Variants in EIF2AK4 observed in about 807,000 individuals in gnomAD.
EIF2AK4 encodes the protein eukaryotic translation initiation factor 2 alpha kinase 4, also known as eIF-2-alpha kinase GCN2.
A neutral mutation model predicts 211.1 loss-of-function variants in EIF2AK4; 139 were observed. The observed-to-expected ratio is 0.66, with a 90% CI of 0.57 to 0.76. The LOEUF (loss-of-function observed/expected upper bound fraction) is 0.76, where lower values mean the gene tolerates loss of function less well. Ranked by LOEUF, EIF2AK4 falls within the 30% of genes least tolerant of loss-of-function variation. EIF2AK4 has a pLI of 0.00. For synonymous variants in EIF2AK4, 710 were observed against 751.3 expected (o/e 0.94, Z 0.90); for missense variants, 1,664 against 2,043.8 (o/e 0.81, Z 3.58).
chr15:39,965,819 G>C lies in EIF2AK4; in HGVS notation c.993G>C (p.Glu331Asp). 1 of 1,614,084 alleles carries C rather than the reference G, an allele frequency of 6.2e-7. No individual in the cohort carries two copies. Among genetic ancestry groups the C allele is most frequent in the South Asian group, 1.1e-5 (1 of 91,078 alleles). ...CATTCCTTACCAGTCAAGAAAAAGA[G>C]AAGATTGATAAGTGCAAAAAGCAGG... is the stretch of plus-strand genomic sequence containing the variant. ...MGPFLTSQEK[E>D]KIDKCKKQIQ... Residue 331 changes from glutamate (E) to aspartate (D), a missense_variant, in exon 8 of 39, where the codon GAG (glutamate) becomes GAC (aspartate). Transcript: ENST00000263791.
chr15:40,020,281 G>A (rs1053742762), intron 30 of EIF2AK4, among the ~76,000 whole-genome samples: 2 of 151,024 alleles, frequency 1.3e-5, no homozygotes, highest in African/African-American at 4.9e-5. Flanking sequence ...AGAGAAAAAT[G>A]GTATTTTCCA....
intron 5 of EIF2AK4, among the ~76,000 whole-genome samples, chr15:39,955,158 T>C (rs907259562): frequency 6.6e-6 from 1 of 152,188 alleles, no homozygotes; most frequent in Non-Finnish European, 1.5e-5. Flanking sequence ...CTTCTGTTCA[T>C]CTCCTGTTAC....
Position 39,954,013 on chromosome 15 carries a change from T to C in EIF2AK4, c.594+29T>C, listed in dbSNP as rs1217354563. ...CCCTATCAACTCCACCATAATAATT[T>C]ACATTTTGCAAAACAAAGTGTTTTT... On this transcript the variant is annotated intron_variant, in intron 5 of 38. Coordinates refer to ENST00000263791, the MANE Select transcript of EIF2AK4 (RefSeq NM_001013703.4). 3.3e-6 allele frequency: 5 copies of C among 1,530,426 alleles called. No homozygotes were observed. In the African/African-American group the frequency reaches 5.5e-5, roughly 17 times the overall value. 94.8% of individuals were successfully genotyped at this position (1,530,426 alleles called of 1,614,324 possible).
chr15:39,948,487 A>G (rs2034260454), intron 3 of EIF2AK4, among the ~76,000 whole-genome samples: 1 of 152,248 alleles, frequency 6.6e-6, no homozygotes, highest in Non-Finnish European at 1.5e-5. Context: ...CTGTGTTCAC[A>G]TAAAGAATGT....
Position 40,008,137 on chromosome 15 carries a change from C to T in EIF2AK4, c.3518C>T (p.Pro1173Leu). Residue 1173 changes from proline (P) to leucine (L), a missense_variant, in exon 25 of 39, where the codon CCC becomes CTC. By Grantham distance (98) the Pro-to-Leu change is moderately conservative (BLOSUM62 -3). Coordinates refer to ENST00000263791, the MANE Select transcript of EIF2AK4 (RefSeq NM_001013703.4). ...ACTTCTACCACCAACAGCTTTCTGC[C>T]CACTGCTGAAATTATCTACACTATC... ...IVTSTTNSFL[P>L]TAEIIYTIYE... is the part of the protein sequence containing the mutation. The T allele has an allele frequency of 6.2e-7, 1 of 1,612,770 alleles. No homozygotes were observed. Among genetic ancestry groups the T allele is most frequent in the Non-Finnish European group, 8.5e-7 (1 of 1,179,468 alleles).
rs1160132030 is a variant in EIF2AK4 at position 39,983,662 on chromosome 15, A to G, written c.2320-2143A>G. On this transcript the variant is annotated intron_variant, in intron 13 of 38. Coordinates refer to ENST00000263791, the MANE Select transcript of EIF2AK4 (RefSeq NM_001013703.4). ...TCTCCTTGTTGGTCAGGCTCGTCTC[A>G]TACGCCCGACCTCAGGTGAACCGAC... Among the ~76,000 whole-genome samples, 8 of 152,286 alleles carry G rather than the reference A, an allele frequency of 5.3e-5. No individual in the cohort carries two copies. In the East Asian group the frequency reaches 1.4e-3, roughly 26 times the overall value.
intron 16 of EIF2AK4, among the ~76,000 whole-genome samples, chr15:39,990,952 TCTGA>T (rs1283774979): frequency 6.6e-6 from 1 of 152,186 alleles, no homozygotes; most frequent in Non-Finnish European, 1.5e-5. Flanking sequence ...CAGCATACTG[TCTGA>T]CTGGTCGAAA....
rs541454551 is a variant in EIF2AK4, at chr15:40,034,216, C to T, written c.4774-110C>T. 35 of 797,950 alleles carry T rather than the reference C, an allele frequency of 4.4e-5. No homozygotes were observed. In the African/African-American group the frequency reaches 6.0e-4, roughly 14 times the overall value. 49.4% of individuals were successfully genotyped at this position (797,950 alleles called of 1,614,324 possible). ...TGCTATCTCCCTATTACTGATTCTC[C>T]TGGTATACTTGAAGAGGGAAATGAC... On this transcript the variant is annotated intron_variant, in intron 37 of 38. Coordinates refer to ENST00000263791, the MANE Select transcript of EIF2AK4 (RefSeq NM_001013703.4).
chr15:40,021,203 C>A (rs150009896), intron 31 of EIF2AK4, among the ~76,000 whole-genome samples, 176 bp downstream of exon 31: 73 of 152,330 alleles, frequency 4.8e-4, no homozygotes, highest in African/African-American at 1.5e-3. Flanking sequence ...GGCTTAAACA[C>A]ATATTTATTA....
chr15:40,028,213 T>C (rs564100899), intron 33 of EIF2AK4, among the ~76,000 whole-genome samples: 1 of 152,128 alleles, frequency 6.6e-6, no homozygotes, highest in African/African-American at 2.4e-5. Context: ...GCTGGGACCG[T>C]AGTCATGTAC....
chr15:39,965,403 C>T (rs1168032453), intron 7 of EIF2AK4, among the ~76,000 whole-genome samples: 2 of 152,122 alleles, frequency 1.3e-5, no homozygotes, highest in East Asian at 1.9e-4. Context: ...GGATTACAGG[C>T]GTGAGCCACC....
Position 40,029,218 on chromosome 15 carries a change from T to G in EIF2AK4, c.4503-188T>G, listed in dbSNP as rs571277950. On this transcript the variant is annotated intron_variant, in intron 33 of 38. Coordinates refer to ENST00000263791, the MANE Select transcript of EIF2AK4 (RefSeq NM_001013703.4). ...AACTTAAAAAGACATCCTTTATAAT[T>G]TTTACTTGCTCTTGACCAAAGCATA... 11 of 721,262 alleles carry G rather than the reference T, an allele frequency of 1.5e-5. No homozygotes were observed. The African/African-American group carries it at 1.9e-4, about 13-fold the overall frequency. The allele number at this position is 721,262 out of a possible 1,614,324, so 44.7% of individuals were successfully genotyped here.
intron 13 of EIF2AK4, among the ~76,000 whole-genome samples, chr15:39,979,579 C>T (rs1377054631): frequency 2.6e-5 from 4 of 152,164 alleles, no homozygotes; most frequent in Non-Finnish European, 5.9e-5. Context: ...AATGCTTCTA[C>T]ATGTAAAATG....
chr15:39,965,667 C>G lies in EIF2AK4; in HGVS notation c.860-19C>G, dbSNP rs547448076. ...AACATACCAGTGGGATTTAATTACA[C>G]TTTCTGTTTAATGTGCAGGCAGTGA... On this transcript the variant is annotated intron_variant, in intron 7 of 38. Coordinates refer to ENST00000263791, the MANE Select transcript of EIF2AK4 (RefSeq NM_001013703.4). The G allele has an allele frequency of 5.8e-4, 930 of 1,612,412 alleles. 13 individuals are homozygous for G. The South Asian group carries it at 9.8e-3, about 17-fold the overall frequency.
At position 39,949,177 on chromosome 15, in the gene EIF2AK4, C is replaced by T; in HGVS notation, c.422C>T (p.Pro141Leu). Residue 141 changes from proline (P) to leucine (L), a missense_variant, in exon 4 of 39, where the codon CCT becomes CTT. Pro to Leu is a moderately conservative substitution (Grantham distance 98). Coordinates refer to ENST00000263791, the MANE Select transcript of EIF2AK4 (RefSeq NM_001013703.4). ...QSFLSEHNKP[P>L]PKSFHEEMLE... ...TTTCTCAGCGAGCATAACAAGCCCC[C>T]TCCCAAGTCTTTTCATGAAGAAATG... is the stretch of plus-strand genomic sequence containing the variant. 1 of 1,614,078 alleles carries T rather than the reference C, an allele frequency of 6.2e-7. No homozygotes were observed. The highest frequency in any genetic ancestry group is 1.1e-5 in the South Asian group (1 of 91,076).
chr15:39,948,859 A>G (rs528569402), intron 3 of EIF2AK4, among the ~76,000 whole-genome samples: 2 of 152,254 alleles, frequency 1.3e-5, no homozygotes, highest in Admixed American at 6.5e-5. Context: ...GAATAGGTCT[A>G]TAAAAGAAAA....
chr15:39,990,225 C>T (rs1566996334), intron 15 of EIF2AK4, 48 bp from the exon 16 acceptor site: 1 of 1,578,062 alleles, frequency 6.3e-7, no homozygotes, highest in Non-Finnish European at 8.7e-7. Flanking sequence ...GTAGGTATAA[C>T]TTTATGCATG....
chr15:40,024,620 G>C (rs572708103), intron 32 of EIF2AK4, among the ~76,000 whole-genome samples: 2 of 150,278 alleles, frequency 1.3e-5, no homozygotes, highest in African/African-American at 4.9e-5. Context: ...GGCTGGTCTC[G>C]AGCTCCTGAC....
intron 9 of EIF2AK4, among the ~76,000 whole-genome samples, chr15:39,969,400 G>A (rs1044890995): frequency 9.4e-5 from 12 of 127,128 alleles, no homozygotes; most frequent in East Asian, 2.3e-4. Flanking sequence ...TGGCTGTGTC[G>A]CCCAGGCTGG....
Sources: gnomAD v4.1 joint callset for allele counts (sites outside exome capture counted in the v4.1 genomes callset) on GRCh38, gnomAD v4.1.1 for gene constraint, MANE v1.5 for transcripts, NCBI Gene and HGNC (gene_info 2026-07-23, HGNC 2026-07-21) for gene names.